SMYD3: variants seen among roughly 807,000 people sequenced by gnomAD.
SMYD3 encodes SET and MYND domain containing 3.
A neutral mutation model predicts 57.7 loss-of-function variants in SMYD3; 36 were observed. The observed-to-expected ratio is 0.62, with a 90% confidence interval of 0.48 to 0.82. SMYD3 has a LOEUF of 0.82. Ranked by LOEUF, SMYD3 falls within the 40% of genes least tolerant of loss-of-function variation. SMYD3 has a pLI of 0.00. For synonymous variants in SMYD3, 211 were observed against 195.0 expected (o/e 1.08, Z -0.68); for missense variants, 515 against 538.8 (o/e 0.96, Z 0.44).
chr1:246,482,114 T>C (rs2068118703), intron 1 of SMYD3, among the ~76,000 whole-genome samples: 1 of 152,086 alleles, frequency 6.6e-6, no homozygotes, highest in Non-Finnish European at 1.5e-5. Context: ...GCCATGATCA[T>C]GCCACTGTAC....
chr1:246,430,946 T>C (rs958791617), intron 1 of SMYD3, among the ~76,000 whole-genome samples: 1 of 152,062 alleles, frequency 6.6e-6, no homozygotes, highest in Non-Finnish European at 1.5e-5. Context: ...AGAGAGAAGT[T>C]AATACTGACC....
chr1:246,253,803 G>A lies in SMYD3; in HGVS notation c.531+73398C>T, dbSNP rs118190539. ...AACGCTATTGATTTCTGCACACAGC[G>A]ATGAACATGCAACTATATGTCTTTT... On this transcript the variant is annotated intron_variant, in intron 5 of 11. Transcript: ENST00000490107. 9.2e-5 allele frequency among the ~76,000 whole-genome samples: 14 copies of A among 152,274 alleles called. No homozygotes were observed. In the East Asian group the frequency reaches 1.2e-3, roughly 13 times the overall value.
intron 1 of SMYD3, among the ~76,000 whole-genome samples, chr1:246,468,953 C>T (rs144556156): frequency 9.9e-5 from 15 of 152,258 alleles, no homozygotes; most frequent in African/African-American, 3.6e-4. Flanking sequence ...TCCAGCCTGG[C>T]CAACAAGACT....
chr1:245,902,432 T>G (rs2054251564), intron 8 of SMYD3, among the ~76,000 whole-genome samples: 1 of 152,218 alleles, frequency 6.6e-6, no homozygotes, highest in South Asian at 2.1e-4. Flanking sequence ...AGGCCCCATC[T>G]GTATCCTATC....
At chr1:246,078,514 C>A (rs1329371440) in intron 5 of SMYD3, among the ~76,000 whole-genome samples, 1 of 152,196 alleles carries the variant, frequency 6.6e-6, no homozygotes, top group Non-Finnish European at 1.5e-5. Context: ...TAGACCATCT[C>A]CTCCTGCGAG....
rs906693215 is a variant in SMYD3, at chr1:245,955,190, C to G, written c.532-25253G>C. 2.0e-5 allele frequency among the ~76,000 whole-genome samples: 3 copies of G among 152,170 alleles called. No individual in the cohort carries two copies. The East Asian group carries it at 5.8e-4, about 29-fold the overall frequency. On this transcript the variant is annotated intron_variant, in intron 5 of 11. Transcript: ENST00000490107. ...CACTGCAAGTTCCGCCTCCCGGGTT[C>G]ACGCCATTCTCCTGCCTCAGCCTCC... is the stretch of plus-strand genomic sequence containing the variant.
At chr1:245,880,903 A>T (rs555900803) in intron 8 of SMYD3, among the ~76,000 whole-genome samples, 12 of 152,320 alleles carry the variant, frequency 7.9e-5, no homozygotes, top group African/African-American at 2.9e-4. Context: ...CAAGAGTGGA[A>T]CATTGTGCTC....
chr1:245,952,582 G>A (rs893477883), intron 5 of SMYD3, among the ~76,000 whole-genome samples: 1 of 152,108 alleles, frequency 6.6e-6, no homozygotes, highest in African/African-American at 2.4e-5. Context: ...TGGTTGATGG[G>A]CATCACTGTT....
chr1:246,303,657 T>C (rs1161098071), intron 5 of SMYD3, among the ~76,000 whole-genome samples: 1 of 152,180 alleles, frequency 6.6e-6, no homozygotes, highest in Admixed American at 6.5e-5. Flanking sequence ...TAGTAATTTA[T>C]TATGCAGCAA....
At chr1:246,487,264 T>C (rs6689684) in intron 1 of SMYD3, among the ~76,000 whole-genome samples, 12,199 of 152,092 alleles carry the variant, frequency 0.08, 1,595 homozygotes, top group African/African-American at 0.27. Flanking sequence ...CTGGCCAATA[T>C]AGCCAAACCC....
Position 246,215,201 on chromosome 1 carries a change from A to G in SMYD3, c.531+112000T>C, listed in dbSNP as rs952413600. 9.9e-5 allele frequency among the ~76,000 whole-genome samples: 15 copies of G among 152,108 alleles called. 1 individual carries two copies. The highest frequency in any genetic ancestry group is 1.5e-5 in the Non-Finnish European group (1 of 68,030). On this transcript the variant is annotated intron_variant, in intron 5 of 11. Coordinates refer to ENST00000490107, the MANE Select transcript of SMYD3 (RefSeq NM_001167740.2). Reference sequence around the variant, plus strand: ...CAATGGAGATCCGGACAGTAATAAAACAGTTTCGCAATCTCTTCACTAAAT... The same window carrying G: ...CAATGGAGATCCGGACAGTAATAAAGCAGTTTCGCAATCTCTTCACTAAAT...
rs1430007209 is a variant in SMYD3, at chr1:245,953,338, AT to A, written c.532-23402del. The A allele has an allele frequency of 1.0e-5, 10 of 990,218 alleles. No homozygotes were observed. In the East Asian group the frequency reaches 5.7e-4, roughly 56 times the overall value. The allele number at this position is 990,218 out of a possible 1,614,324, so 61.3% of individuals were successfully genotyped here. A position where few individuals can be genotyped will look rare whatever the true frequency, so the allele number is the denominator to read the frequency against. On this transcript the variant is annotated intron_variant, in intron 5 of 11. Coordinates refer to ENST00000490107, the MANE Select transcript of SMYD3 (RefSeq NM_001167740.2). ...CAAAATCTTTCAATTAACTAAAAAC[AT>A]TTTTTAGGATGTAACTCTGAAAAAA...
chr1:245,955,940 A>G, intron 5 of SMYD3: 4 of 984,218 alleles, frequency 4.1e-6, no homozygotes, highest in Non-Finnish European at 4.8e-6. Flanking sequence ...ATGTTGCTAT[A>G]GTTTATAGCT....
At chr1:246,475,352 G>C (rs1259814725) in intron 1 of SMYD3, among the ~76,000 whole-genome samples, 1 of 146,722 alleles carries the variant, frequency 6.8e-6, no homozygotes, top group Admixed American at 6.8e-5. Flanking sequence ...AAAAAAGTTT[G>C]TACTTTTTGG....
intron 5 of SMYD3, among the ~76,000 whole-genome samples, chr1:246,270,733 G>A (rs912655266): frequency 1.3e-5 from 2 of 152,224 alleles, no homozygotes; most frequent in African/African-American, 2.4e-5. Context: ...TGACATGAGG[G>A]TTGCTTCTAC....
intron 5 of SMYD3, among the ~76,000 whole-genome samples, chr1:246,320,814 C>T (rs2065234822): frequency 6.6e-6 from 1 of 152,052 alleles, no homozygotes; most frequent in African/African-American, 2.4e-5. Context: ...TAACCATTGC[C>T]AATAATTATC....
intron 1 of SMYD3, among the ~76,000 whole-genome samples, chr1:246,497,322 T>C (rs551522782): frequency 6.6e-6 from 1 of 152,376 alleles, no homozygotes; most frequent in Non-Finnish European, 1.5e-5. Context: ...AAAATTTAAC[T>C]TGTTTGCCCT....
At chr1:246,101,060 AG>A (rs34035177) in intron 5 of SMYD3, among the ~76,000 whole-genome samples, 2,983 of 93,620 alleles carry the variant, frequency 0.032, 69 homozygotes, top group Non-Finnish European at 0.046. Flanking sequence ...ATGTATTTTT[AG>A]GGGTTTTTTG....
At chr1:246,487,403 T>C (rs1198451775) in intron 1 of SMYD3, among the ~76,000 whole-genome samples, 2 of 151,662 alleles carry the variant, frequency 1.3e-5, no homozygotes, top group South Asian at 2.1e-4. Context: ...GAGGTTGCAG[T>C]GAGCCGAGAT....
Sources: allele counts gnomAD v4.1 joint callset (sites outside exome capture counted in the v4.1 genomes callset), GRCh38; gene constraint gnomAD v4.1.1; transcripts MANE v1.5; gene names NCBI Gene and HGNC (gene_info 2026-07-23, HGNC 2026-07-21).